Variants in MAPK8IP3 observed in about 807,000 individuals in gnomAD.
MAPK8IP3 encodes the protein mitogen-activated protein kinase 8 interacting protein 3, also known as C-Jun-amino-terminal kinase-interacting protein 3.
Under a neutral mutation model 157.8 loss-of-function variants are expected in MAPK8IP3, and 49 were observed. The observed-to-expected ratio is 0.31, with a 90% CI of 0.25 to 0.39. The LOEUF (loss-of-function observed/expected upper bound fraction) is 0.39, where lower values mean the gene tolerates loss of function less well. Ranked by LOEUF, MAPK8IP3 falls within the 10% of genes least tolerant of loss-of-function variation. MAPK8IP3 has a pLI of 1.00. For missense variants in MAPK8IP3, 1,478 were observed against 1,889.4 expected (o/e 0.78, Z 4.04); for synonymous variants, 897 against 777.7 (o/e 1.15, Z -2.55).
chr16:1,758,148 G>C lies in MAPK8IP3; in HGVS notation c.1217G>C (p.Gly406Ala). 1 of 1,613,698 alleles carries C rather than the reference G, an allele frequency of 6.2e-7. No individual in the cohort carries two copies. The highest frequency in any genetic ancestry group is 8.5e-7 in the Non-Finnish European group (1 of 1,179,810). Reference protein sequence around the residue: ...GDVDEGADLLGEFSVRDDFFG... With the variant: ...GDVDEGADLLAEFSVRDDFFG... ...CTCTGTGCGTCGCTGGACTCGCCAG[G>C]GGAGTTCTCAGGTGAGTATCTCACT... Residue 406 changes from glycine to alanine, a missense_variant and splice_region_variant, in exon 9 of 32, where the codon GGG becomes GCG. Transcript: ENST00000610761.
intron 9 of MAPK8IP3, 112 bp downstream of exon 9, chr16:1,758,271 T>C: frequency 7.9e-7 from 1 of 1,264,278 alleles, no homozygotes; most frequent in Non-Finnish European, 1.1e-6. Flanking sequence ...GCCCCCCACG[T>C]CGCCGCAGCG....
At chr16:1,709,827 A>T (rs777396449) in intron 1 of MAPK8IP3, among the ~76,000 whole-genome samples, 2 of 152,226 alleles carry the variant, frequency 1.3e-5, no homozygotes, top group Non-Finnish European at 2.9e-5. Flanking sequence ...AAGAGGAAAA[A>T]TAAGGTGTGA....
chr16:1,746,615 A>C (rs957244833), intron 5 of MAPK8IP3: 1 of 203,032 alleles, frequency 4.9e-6, no homozygotes, highest in Non-Finnish European at 1.0e-5. Flanking sequence ...CGGTGGCGGC[A>C]CAGCCAGCCC....
At chr16:1,749,965 C>T (rs1157098417) in intron 8 of MAPK8IP3, among the ~76,000 whole-genome samples, 1 of 152,126 alleles carries the variant, frequency 6.6e-6, no homozygotes, top group East Asian at 1.9e-4. Flanking sequence ...TTGAAGTGTT[C>T]AGTTCAGTAG....
rs1046725559 is a variant in MAPK8IP3 at position 1,769,673 on chromosome 16, G to A, written c.*849G>A. 1 of 152,528 alleles carries A rather than the reference G, an allele frequency of 6.6e-6. No individual in the cohort carries two copies. Among genetic ancestry groups the A allele is most frequent in the African/African-American group, 2.4e-5 (1 of 41,434 alleles). 9.4% of individuals were successfully genotyped at this position (152,528 alleles called of 1,614,324 possible). A position where few individuals can be genotyped will look rare whatever the true frequency, so the allele number is the denominator to read the frequency against. On this transcript the variant is annotated 3_prime_UTR_variant, in exon 32 of 32. Transcript: ENST00000610761. ...GCAGGCCCAGGCCTCAGGAAGAAGG[G>A]GAGGCCCCTGGCCTCTCCGGGATCA... is the stretch of plus-strand genomic sequence containing the variant.
intron 4 of MAPK8IP3, among the ~76,000 whole-genome samples, chr16:1,737,177 C>CATCT (rs2040004747): frequency 2.8e-5 from 2 of 71,672 alleles, no homozygotes; most frequent in Non-Finnish European, 5.3e-5. Context: ...TCCGTGTGAG[C>CATCT]GTGTGACCGT....
At chr16:1,734,802 C>G (rs2039552334) in intron 4 of MAPK8IP3, among the ~76,000 whole-genome samples, 1 of 152,290 alleles carries the variant, frequency 6.6e-6, no homozygotes, top group African/African-American at 2.4e-5. Flanking sequence ...CATGAGGGCG[C>G]CGTCCATCCT....
chr16:1,748,316 C>T lies in MAPK8IP3; in HGVS notation c.1067C>T (p.Pro356Leu), dbSNP rs1208005409. ...TCCACGCCAGAGCTGGACATGTGTC[C>T]AGAGACCCGCCTGGACCGCACAGGA... ...IDSTPELDMC[P>L]ETRLDRTGSS... is the part of the protein sequence containing the mutation. Residue 356 changes from proline to leucine, a missense_variant, in exon 7 of 32, where the codon CCA becomes CTA. Transcript: ENST00000610761. 6.2e-7 allele frequency: 1 copy of T among 1,613,890 alleles called. No individual in the cohort carries two copies. The highest frequency in any genetic ancestry group is 1.7e-5 in the Admixed American group (1 of 60,028).
chr16:1,767,210 C>T lies in MAPK8IP3; in HGVS notation c.3150C>T (p.Ile1050=). The T allele has an allele frequency of 6.2e-7, 1 of 1,613,472 alleles. No homozygotes were observed. Among genetic ancestry groups the T allele is most frequent in the Non-Finnish European group, 8.5e-7 (1 of 1,180,026 alleles). Residue 1050 remains isoleucine, a synonymous_variant, in exon 26 of 32, where the codon ATC becomes ATT. Coordinates refer to ENST00000610761, the MANE Select transcript of MAPK8IP3 (RefSeq NM_001318852.2). ...LMDLGHPHHS[I]RCMAVVYDRV... is the part of the protein sequence containing the mutation. ...ACCTGGGCCACCCGCACCACTCCAT[C>T]CGCTGCATGGCTGTTGTGTACGACC... is the stretch of plus-strand genomic sequence containing the variant.
At position 1,743,342 on chromosome 16, in the gene MAPK8IP3, C is replaced by T. The variant is rs183206340; in HGVS notation, c.613C>T (p.Arg205Cys). The T allele has an allele frequency of 1.8e-5, 28 of 1,558,716 alleles. No individual in the cohort carries two copies. Among genetic ancestry groups the T allele is most frequent in the South Asian group, 2.4e-5 (2 of 82,852 alleles). ...SSLPGRSRKE[R>C]PTSLNVFPLA... is the part of the protein sequence containing the mutation. ...CGCCCCCCATTTCAGCAGGAAGGAGCGCCCCACCTCCCTGAACGTGTTCCC... is the reference window on the plus strand; with the variant it reads ...CGCCCCCCATTTCAGCAGGAAGGAGTGCCCCACCTCCCTGAACGTGTTCCC... Residue 205 changes from arginine (R) to cysteine (C), a missense_variant, in exon 5 of 32, where the codon CGC (arginine) becomes TGC (cysteine). Arg to Cys is a radical substitution (Grantham distance 180, BLOSUM62 -3). Around this residue, in one of 11 missense-constraint regions of MAPK8IP3, gnomAD observed 315 missense variants for 394.4 expected, o/e 0.80. Coordinates refer to ENST00000610761, the MANE Select transcript of MAPK8IP3 (RefSeq NM_001318852.2). This position sits in a 1 kb window ranked among gnomAD's most constrained non-coding sequence, Gnocchi z 5.6.
At position 1,767,917 on chromosome 16, in the gene MAPK8IP3, G is replaced by C. The variant is rs754852466; in HGVS notation, c.3522G>C (p.Glu1174Asp). The stretch of plus-strand genomic sequence containing the variant: ...TGGTCATCTCCATCCCCCTGACAGA[G>C]AGTGAGTGGCCTGCACACCTGCAGG... ...NGVVISIPLT[E>D]TVVLHRGQLL... The change falls in exon 28 of 32, where the codon GAG (glutamate) becomes GAC (aspartate). Residue 1174 changes from glutamate (E) to aspartate (D), a missense_variant and splice_region_variant. By Grantham distance (45) the Glu-to-Asp change is conservative. Coordinates refer to ENST00000610761, the MANE Select transcript of MAPK8IP3 (RefSeq NM_001318852.2). 5 of 1,610,988 alleles carry C rather than the reference G, an allele frequency of 3.1e-6. No individual in the cohort carries two copies. In the Admixed American group the frequency reaches 6.7e-5, roughly 21 times the overall value.
chr16:1,763,658 G>A lies in MAPK8IP3; in HGVS notation c.1900G>A (p.Asp634Asn). 3.2e-6 allele frequency: 5 copies of A among 1,565,902 alleles called. 1 individual carries two copies. The South Asian group carries it at 3.5e-5, about 11-fold the overall frequency. Reference sequence around the variant, plus strand: ...ATCACCCATCATTCTTCCACTCAGCGACTGCACGTCCTCCGCCCGTCGAGA... The same window carrying A: ...ATCACCCATCATTCTTCCACTCAGCAACTGCACGTCCTCCGCCCGTCGAGA... ...SRPLEFFPDDDCTSSARREQK... is the reference protein window; with the variant it reads ...SRPLEFFPDDNCTSSARREQK... Residue 634 changes from aspartate (D) to asparagine (N), a missense_variant and splice_region_variant, in exon 17 of 32, where the codon GAC becomes AAC. By Grantham distance (23) the Asp-to-Asn change is conservative. This residue lies in a region of MAPK8IP3 where 669 missense variants were observed against 759.8 expected (regional missense o/e 0.88). Coordinates refer to ENST00000610761, the MANE Select transcript of MAPK8IP3 (RefSeq NM_001318852.2).
At chr16:1,726,594 C>G (rs561632337) in intron 2 of MAPK8IP3, among the ~76,000 whole-genome samples, 78 of 152,238 alleles carry the variant, frequency 5.1e-4, no homozygotes, top group Middle Eastern at 3.4e-3. Context: ...GAGGATTGCT[C>G]AAACCCAGGA....
At chr16:1,732,232 GCTGGAAGGGGGGAAGCCTGTTT>G (rs1393549814) in intron 4 of MAPK8IP3, among the ~76,000 whole-genome samples, 1 of 152,198 alleles carries the variant, frequency 6.6e-6, no homozygotes, top group Non-Finnish European at 1.5e-5. Context: ...AGCTGGGGCA[GCTGGAAGGGGGGAAGCCTGTTT>G]CTGCCCCCAA....
At chr16:1,746,361 G>A (rs912876549) in intron 5 of MAPK8IP3, 2 of 152,202 alleles carry the variant, frequency 1.3e-5, no homozygotes, top group African/African-American at 4.8e-5. Context: ...GGCTGGTTGC[G>A]GTTTCTCGTA....
chr16:1,717,297 G>C (rs932392790), intron 1 of MAPK8IP3, among the ~76,000 whole-genome samples: 1 of 151,374 alleles, frequency 6.6e-6, no homozygotes, highest in African/African-American at 2.4e-5. Context: ...GAAAACATAA[G>C]TTGAATTTAA....
In MAPK8IP3 at chr16:1,729,236, C is replaced by G. The variant is rs116966333; in HGVS notation, c.510+28C>G. ...GGGCGCCCAGAGGCAAGCGCGGAGA[C>G]GAGGGTTGGAGACAGGGCCGCGGCC... On this transcript the variant is annotated intron_variant, in intron 3 of 31. Coordinates refer to ENST00000610761, the MANE Select transcript of MAPK8IP3 (RefSeq NM_001318852.2). 5 of 1,612,552 alleles carry G rather than the reference C, an allele frequency of 3.1e-6. No homozygotes were observed. In the African/African-American group the frequency reaches 5.3e-5, roughly 17 times the overall value.
intron 4 of MAPK8IP3, among the ~76,000 whole-genome samples, chr16:1,731,685 A>T (rs2039326711): frequency 6.6e-6 from 1 of 152,248 alleles, no homozygotes; most frequent in Non-Finnish European, 1.5e-5. Context: ...TAGGGTGGCC[A>T]GCCACCCTAT....
At chr16:1,752,291 T>A (rs1355694868) in intron 8 of MAPK8IP3, 2 of 184,464 alleles carry the variant, frequency 1.1e-5, no homozygotes, top group African/African-American at 4.8e-5. Flanking sequence ...CAAGTCACTA[T>A]GCGTTCCACG....
Sources: allele counts gnomAD v4.1 joint callset (sites outside exome capture counted in the v4.1 genomes callset), GRCh38; gene constraint gnomAD v4.1.1; regional missense constraint gnomAD v4.1.1; non-coding constraint Gnocchi (gnomAD v3.1); transcripts MANE v1.5; gene names NCBI Gene and HGNC (gene_info 2026-07-23, HGNC 2026-07-21).